The following CUL5 variants were observed in gnomAD, a reference collection of about 807,000 sequenced individuals.
The protein encoded by CUL5 is cullin-5.
Under a neutral mutation model 108.8 loss-of-function variants are expected in CUL5, and 26 were observed. The observed-to-expected ratio is 0.24, with a 90% CI of 0.18 to 0.33. CUL5 has a LOEUF of 0.33. Among genes scored for constraint, CUL5 ranks in the 10% least tolerant of loss-of-function variants. The pLI is 1.00. For synonymous variants in CUL5, 334 were observed against 298.0 expected, an observed-to-expected ratio of 1.12 and a Z score of -1.25; for missense variants, 524 against 909.2, an observed-to-expected ratio of 0.58 and a Z score of 5.45.
intron 7 of CUL5, among the ~76,000 whole-genome samples, chr11:108,068,604 G>T (rs1247829513): frequency 6.6e-6 from 1 of 152,052 alleles, no homozygotes; most frequent in Non-Finnish European, 1.5e-5. Flanking sequence ...ATTTTTAAGG[G>T]ACACATAATT....
At chr11:108,092,859 C>T (rs567351432) in intron 13 of CUL5, among the ~76,000 whole-genome samples, 5 of 152,116 alleles carry the variant, frequency 3.3e-5, no homozygotes, top group African/African-American at 1.2e-4. Flanking sequence ...CTTTGTTGCC[C>T]AGGCTGGAGT....
At chr11:108,058,170 C>A (rs1398883906) in intron 7 of CUL5, among the ~76,000 whole-genome samples, 1 of 141,730 alleles carries the variant, frequency 7.1e-6, no homozygotes, top group Admixed American at 7.3e-5. Context: ...GATTGCGCCA[C>A]CACACTCCAG....
At chr11:108,028,609 C>T (rs184022720) in intron 1 of CUL5, among the ~76,000 whole-genome samples, 60 of 152,188 alleles carry the variant, frequency 3.9e-4, no homozygotes, top group African/African-American at 1.2e-3. Flanking sequence ...GAGGCCGAAG[C>T]GGGCGGATCA....
At chr11:108,078,079 TA>T in intron 10 of CUL5, 96 bp from the exon 11 acceptor site, 2 of 689,842 alleles carry the variant, frequency 2.9e-6, no homozygotes, top group Non-Finnish European at 4.7e-6. Context: ...CCATTAGAAA[TA>T]AAAACTAACA....
chr11:108,083,977 A>AT (rs1305454005), intron 11 of CUL5, among the ~76,000 whole-genome samples: 4 of 152,054 alleles, frequency 2.6e-5, no homozygotes, highest in African/African-American at 7.2e-5. Context: ...ACATTATGAG[A>AT]TTTTTTGGCG....
intron 9 of CUL5, among the ~76,000 whole-genome samples, chr11:108,073,038 A>G (rs1240589381): frequency 6.6e-6 from 1 of 151,976 alleles, no homozygotes; most frequent in Non-Finnish European, 1.5e-5. Context: ...CCTCTCTACT[A>G]AAAATACAAA....
At position 108,009,236 on chromosome 11, in the gene CUL5, T is replaced by TG; in HGVS notation, c.-111dup. The TG allele has an allele frequency of 8.7e-7, 1 of 1,154,270 alleles. No individual in the cohort carries two copies. The highest frequency in any genetic ancestry group is 1.3e-6 in the Non-Finnish European group (1 of 784,972). 71.5% of individuals were successfully genotyped at this position (1,154,270 alleles called of 1,614,324 possible). A position where few individuals can be genotyped will look rare whatever the true frequency, so the allele number is the denominator to read the frequency against. On this transcript the variant is annotated 5_prime_UTR_variant, in exon 1 of 19. It introduces an in-frame stop codon into an upstream open reading frame of the 5' UTR. Transcript: ENST00000393094. ...CGCTGCTCCAGCGCCCACCACACCC[T>TG]GGTGCGGGCCGACGGGCCCTGGGCC...
rs1038724132 is a variant in CUL5 at position 108,093,708 on chromosome 11, T to A, written c.1444-683T>A. Among the ~76,000 whole-genome samples the A allele has an allele frequency of 5.3e-5, 8 of 152,280 alleles. No individual in the cohort carries two copies. The South Asian group carries it at 6.2e-4, about 12-fold the overall frequency. ...GGTTGTGTTTACATTTTTTAAAAAT[T>A]TATTTATTTAATTTTTTCAAGCAAC... On this transcript the variant is annotated intron_variant, in intron 13 of 18. Transcript: ENST00000393094.
chr11:108,055,131 A>C (rs1863340227), intron 7 of CUL5, among the ~76,000 whole-genome samples, 176 bp downstream of exon 7: 1 of 152,226 alleles, frequency 6.6e-6, no homozygotes, highest in Non-Finnish European at 1.5e-5. Flanking sequence ...TTTAGAACAC[A>C]TTGTCCTTTG....
At chr11:108,100,459 G>A (rs1341551517) in intron 18 of CUL5, among the ~76,000 whole-genome samples, 1 of 152,122 alleles carries the variant, frequency 6.6e-6, no homozygotes, top group African/African-American at 2.4e-5. Context: ...CAGGAGAATT[G>A]CCTGAACCTG....
intron 11 of CUL5, among the ~76,000 whole-genome samples, chr11:108,083,399 A>G (rs911674171): frequency 6.6e-6 from 1 of 152,180 alleles, no homozygotes; most frequent in African/African-American, 2.4e-5. Flanking sequence ...GTGAATCTTT[A>G]TCTACAAGAT....
At position 108,023,272 on chromosome 11, in the gene CUL5, G is replaced by C. The variant is rs529921826; in HGVS notation, c.25-10530G>C. Among the ~76,000 whole-genome samples the C allele has an allele frequency of 2.0e-5, 3 of 152,166 alleles. No homozygotes were observed. In the East Asian group the frequency reaches 5.8e-4, roughly 29 times the overall value. ...CAAAAACAAAACAAACAAAAAAAAC[G>C]CAGTATCTTCTCCACTCTGTGGGCT... is the stretch of plus-strand genomic sequence containing the variant. On this transcript the variant is annotated intron_variant, in intron 1 of 18. Transcript: ENST00000393094.
intron 1 of CUL5, among the ~76,000 whole-genome samples, chr11:108,022,035 G>A (rs1862339628): frequency 6.6e-6 from 1 of 151,956 alleles, no homozygotes; most frequent in South Asian, 2.1e-4. Flanking sequence ...CTTAGAGATG[G>A]GGTCTTTCTT....
chr11:108,073,665 G>A, intron 10 of CUL5, 168 bp downstream of exon 10: 1 of 385,446 alleles, frequency 2.6e-6, no homozygotes, highest in Non-Finnish European at 4.7e-6. Flanking sequence ...TTGGCTGTAA[G>A]CATTTGTTAA....
At chr11:108,047,187 C>T (rs1040959055) in intron 3 of CUL5, among the ~76,000 whole-genome samples, 12 of 152,022 alleles carry the variant, frequency 7.9e-5, no homozygotes, top group African/African-American at 2.7e-4. Context: ...CATGATGGTG[C>T]ACACCTGTGG....
Position 108,061,565 on chromosome 11 carries a change from T to C in CUL5, c.780+6610T>C, listed in dbSNP as rs771646231. On this transcript the variant is annotated intron_variant, in intron 7 of 18. Transcript: ENST00000393094. Reference sequence around the variant, plus strand: ...CCCAGTCTTCCAGATTCAACAGTTATCATTATTTTGTCATGCTTGTTTTGT... The same window carrying C: ...CCCAGTCTTCCAGATTCAACAGTTACCATTATTTTGTCATGCTTGTTTTGT... 3.9e-5 allele frequency among the ~76,000 whole-genome samples: 6 copies of C among 152,206 alleles called. No homozygotes were observed. In the East Asian group the frequency reaches 5.8e-4, roughly 15 times the overall value.
chr11:108,065,097 C>T (rs1433683551), intron 7 of CUL5, among the ~76,000 whole-genome samples: 1 of 151,996 alleles, frequency 6.6e-6, no homozygotes, highest in Non-Finnish European at 1.5e-5. Flanking sequence ...ATGATCTCGG[C>T]TCACTGCAAG....
chr11:108,034,561 T>C (rs1862680581), intron 2 of CUL5, among the ~76,000 whole-genome samples: 1 of 152,122 alleles, frequency 6.6e-6, no homozygotes, highest in Admixed American at 6.5e-5. Flanking sequence ...TTAGGTATGA[T>C]TGTAAGTTCA....
At chr11:108,095,462 C>A in intron 15 of CUL5, 68 bp from the exon 16 acceptor site, 1 of 1,080,032 alleles carries the variant, frequency 9.3e-7, no homozygotes, top group South Asian at 1.7e-5. Context: ...TATATAAATT[C>A]ATGTCATAGA....
Sources: gnomAD v4.1 joint callset for allele counts (sites outside exome capture counted in the v4.1 genomes callset) on GRCh38, gnomAD v4.1.1 for gene constraint, MANE v1.5 for transcripts, NCBI Gene and HGNC (gene_info 2026-07-23, HGNC 2026-07-21) for gene names.